IDS: variants seen among roughly 807,000 people sequenced by gnomAD.
IDS encodes the protein alpha-L-iduronate sulfate sulfatase.
A neutral mutation model predicts 33.5 loss-of-function variants in IDS; 1 was observed. The observed-to-expected ratio is 0.03, with a 90% CI of 0.01 to 0.14. The LOEUF (loss-of-function observed/expected upper bound fraction) is 0.14, where lower values mean the gene tolerates loss of function less well. Ranked by LOEUF, IDS falls within the 10% of genes least tolerant of loss-of-function variation. The pLI is 1.00. For synonymous variants in IDS, 191 were observed against 184.4 expected, an observed-to-expected ratio of 1.04 and a Z score of -0.29; for missense variants, 328 against 448.0, an observed-to-expected ratio of 0.73 and a Z score of 2.42.
chrX:149,498,333 C>T (rs2089453109), intron 4 of IDS, 26 bp from the exon 5 acceptor site: 1 of 1,151,851 alleles, frequency 8.7e-7, no homozygotes, highest in Non-Finnish European at 1.2e-6. Flanking sequence ...AATATAACAT[C>T]AGCTTTTTAA....
At position 149,481,195 on chromosome X, in the gene IDS, G is replaced by A. The variant is rs919404278; in HGVS notation, c.*1551C>T. ...AAAGAAAAAGCTGAGGGAAACCATC[G>A]ACCAAAGCAAGCGGAGGCTCAAAAG... is the stretch of plus-strand genomic sequence containing the variant. On this transcript the variant is annotated 3_prime_UTR_variant, in exon 9 of 9. Transcript: ENST00000340855. 3.6e-5 allele frequency: 4 copies of A among 111,919 alleles called. No homozygotes were observed. Among genetic ancestry groups the A allele is most frequent in the South Asian group, 3.7e-4 (1 of 2,681 alleles). 9.2% of individuals were successfully genotyped at this position (111,919 alleles called of 1,213,427 possible).
intron 6 of IDS, among the ~76,000 whole-genome samples, chrX:149,492,128 T>A (rs983458253): frequency 8.9e-6 from 1 of 112,261 alleles, no homozygotes. Flanking sequence ...CTGTTTAAGA[T>A]AAATTCTCCC....
In IDS at chrX:149,477,931, G is replaced by A. The variant is rs2089275022; in HGVS notation, c.*4815C>T. The A allele has an allele frequency of 1.8e-5, 2 of 112,147 alleles. No individual in the cohort carries two copies. The highest frequency in any genetic ancestry group is 5.6e-4 in the East Asian group (2 of 3,555). 9.2% of individuals were successfully genotyped at this position (112,147 alleles called of 1,213,427 possible). On this transcript the variant is annotated 3_prime_UTR_variant, in exon 9 of 9. Coordinates refer to ENST00000340855, the MANE Select transcript of IDS (RefSeq NM_000202.8). ...CTGATGGCAGGTTCCACCACAACGG[G>A]CTATGCCTAAGGCCCCAAGGGACAC...
chrX:149,505,261 G>A lies in IDS; in HGVS notation c.-124C>T. The A allele has an allele frequency of 2.7e-6, 1 of 371,510 alleles. No homozygotes were observed. The highest frequency in any genetic ancestry group is 4.4e-6 in the Non-Finnish European group (1 of 226,898). The allele number at this position is 371,510 out of a possible 1,213,427, so 30.6% of individuals were successfully genotyped here. ...GAACCCATGAAGACTGCGCAACACA[G>A]CCGCCGCCCGGGCCCGCAGGCCCGG... On this transcript the variant is annotated 5_prime_UTR_variant, in exon 1 of 9. Coordinates refer to ENST00000340855, the MANE Select transcript of IDS (RefSeq NM_000202.8).
chrX:149,482,616 G>C lies in IDS; in HGVS notation c.*130C>G, dbSNP rs2089301482. The C allele has an allele frequency of 5.8e-6, 6 of 1,039,745 alleles. No homozygotes were observed. The South Asian group carries it at 1.2e-4, about 21-fold the overall frequency. 85.7% of individuals were successfully genotyped at this position (1,039,745 alleles called of 1,213,427 possible). A position where few individuals can be genotyped will look rare whatever the true frequency, so the allele number is the denominator to read the frequency against. On this transcript the variant is annotated 3_prime_UTR_variant, in exon 9 of 9. Coordinates refer to ENST00000340855, the MANE Select transcript of IDS (RefSeq NM_000202.8). ...CATATTCTCAGGCCAAATTGTTGAT[G>C]CATGTTTGGATTAACTAGCCCTCAG...
intron 6 of IDS, 117 bp downstream of exon 6, chrX:149,496,229 C>A (rs1215216886): frequency 2.7e-6 from 2 of 744,153 alleles, no homozygotes; most frequent in African/African-American, 4.1e-5. Context: ...ATAACTCACA[C>A]AAAGAAAGCT....
At position 149,496,359 on chromosome X, in the gene IDS, G is replaced by T. The variant is rs2089436037; in HGVS notation, c.866C>A (p.Pro289His). Residue 289 changes from proline to histidine, a missense_variant, in exon 6 of 9, where the codon CCT (proline) becomes CAT (histidine). Physicochemically the swap from Pro to His is moderately conservative, Grantham distance 77. Coordinates refer to ENST00000340855, the MANE Select transcript of IDS (RefSeq NM_000202.8). ...TGTCCTTGATACCTGAAAGTCCACA[G>T]GAATTGGACCATACGGCACACTGAT... ...LNISVPYGPI[P>H]VDFQRKIRQS... is the part of the protein sequence containing the mutation. The T allele has an allele frequency of 1.7e-6, 2 of 1,210,662 alleles. No homozygotes were observed. The highest frequency in any genetic ancestry group is 2.2e-5 in the Admixed American group (1 of 46,084).
In IDS at chrX:149,480,244, T is replaced by G. The variant is rs1180501683; in HGVS notation, c.*2502A>C. 4 of 293,353 alleles carry G rather than the reference T, an allele frequency of 1.4e-5. No homozygotes were observed. Among genetic ancestry groups the G allele is most frequent in the Non-Finnish European group, 1.8e-5 (3 of 169,442 alleles). 24.2% of individuals were successfully genotyped at this position (293,353 alleles called of 1,213,427 possible). A position where few individuals can be genotyped will look rare whatever the true frequency, so the allele number is the denominator to read the frequency against. ...ATTTTAGGAAGACACGTGGATTATT[T>G]TAGGGACAGGGGAGGAAAGAGGAGG... On this transcript the variant is annotated 3_prime_UTR_variant, in exon 9 of 9. Transcript: ENST00000340855.
chrX:149,502,379 G>A (rs1200833258), intron 3 of IDS, among the ~76,000 whole-genome samples: 8 of 112,101 alleles, frequency 7.1e-5, no homozygotes, highest in Non-Finnish European at 1.5e-4. Context: ...TGGGCAAGGG[G>A]TATGGTAATG....
At position 149,478,554 on chromosome X, in the gene IDS, T is replaced by C. The variant is rs1163165824; in HGVS notation, c.*4192A>G. The stretch of plus-strand genomic sequence containing the variant: ...TAGATTATATGTGGTAGTCTGCATG[T>C]ATGTAAAGCTAAATATGTCCATATC... On this transcript the variant is annotated 3_prime_UTR_variant, in exon 9 of 9. Transcript: ENST00000340855. 1 of 112,911 alleles carries C rather than the reference T, an allele frequency of 8.9e-6. No individual in the cohort carries two copies. The highest frequency in any genetic ancestry group is 3.2e-5 in the African/African-American group (1 of 31,080). 9.3% of individuals were successfully genotyped at this position (112,911 alleles called of 1,213,427 possible). A position where few individuals can be genotyped will look rare whatever the true frequency, so the allele number is the denominator to read the frequency against.
chrX:149,487,131 T>C, intron 7 of IDS, 33 bp from the exon 8 acceptor site: 2 of 1,210,444 alleles, frequency 1.7e-6, no homozygotes, highest in Non-Finnish European at 1.1e-6. Flanking sequence ...TGACAGAAAA[T>C]GAATAATCAT....
chrX:149,484,068 T>C (rs1178505658), intron 8 of IDS, among the ~76,000 whole-genome samples: 1 of 112,746 alleles, frequency 8.9e-6, no homozygotes, highest in Non-Finnish European at 1.9e-5. Flanking sequence ...GACATCTGAA[T>C]TGCTTCCACT....
intron 3 of IDS, 149 bp from the exon 4 acceptor site, chrX:149,501,186 A>G: frequency 2.1e-6 from 1 of 468,711 alleles, no homozygotes; most frequent in Non-Finnish European, 3.8e-6. Context: ...TCTAAAGCCA[A>G]ACTCTCTAGT....
Position 149,482,925 on chromosome X carries a change from T to C in IDS, c.1474A>G (p.Ile492Val). Residue 492 changes from isoleucine to valine, a missense_variant, in exon 9 of 9, where the codon ATA becomes GTA. Ile to Val is a conservative substitution (Grantham distance 29). Transcript: ENST00000340855. ...GTATACCTATAGTCTATGGTGCGTA[T>C]GGAATAGCCCATGATCTTTATATCT... is the stretch of plus-strand genomic sequence containing the variant. Reference protein sequence around the residue: ...LKDIKIMGYSIRTIDYRYTVW... With the variant: ...LKDIKIMGYSVRTIDYRYTVW... 8.3e-7 allele frequency: 1 copy of C among 1,211,794 alleles called. No homozygotes were observed. The highest frequency in any genetic ancestry group is 1.1e-6 in the Non-Finnish European group (1 of 895,417).
intron 4 of IDS, among the ~76,000 whole-genome samples, chrX:149,500,100 G>A (rs1290619389): frequency 9.0e-6 from 1 of 111,518 alleles, no homozygotes; most frequent in African/African-American, 3.3e-5. Flanking sequence ...ACTCGAGGGA[G>A]ATTTAGTATT....
rs781943370 is a variant in IDS, at chrX:149,491,640, G to A, written c.880-1200C>T. 4.0e-6 allele frequency: 4 copies of A among 1,004,047 alleles called. No individual in the cohort carries two copies. The African/African-American group carries it at 5.8e-5, about 15-fold the overall frequency. The allele number at this position is 1,004,047 out of a possible 1,213,427, so 82.7% of individuals were successfully genotyped here. On this transcript the variant is annotated intron_variant, in intron 6 of 8. Coordinates refer to ENST00000340855, the MANE Select transcript of IDS (RefSeq NM_000202.8). ...TACTTTCTGGTAGATGAAGTCTTCA[G>A]TCTGAAACCTGTGGAACTTTGGTCC...
chrX:149,502,834 C>T (rs1214395808), intron 3 of IDS: 7 of 245,493 alleles, frequency 2.9e-5, no homozygotes, highest in Non-Finnish European at 4.4e-5. Context: ...TTACACTCAT[C>T]TTTCTGACTT....
At chrX:149,498,454 G>C (rs184732477) in intron 4 of IDS, 147 bp from the exon 5 acceptor site, 2 of 484,956 alleles carry the variant, frequency 4.1e-6, no homozygotes, top group East Asian at 7.4e-5. Flanking sequence ...GTAGAACTAA[G>C]ACAGAAAAGG....
intron 3 of IDS, 113 bp from the exon 4 acceptor site, chrX:149,501,150 A>G: frequency 2.1e-6 from 1 of 487,700 alleles, no homozygotes; most frequent in African/African-American, 3.5e-5. Context: ...TTTGGGGCTC[A>G]GTTTCCTCAT....
Sources: gnomAD v4.1 joint callset for allele counts (sites outside exome capture counted in the v4.1 genomes callset) on GRCh38, gnomAD v4.1.1 for gene constraint, MANE v1.5 for transcripts, NCBI Gene and HGNC (gene_info 2026-07-23, HGNC 2026-07-21) for gene names.